The following DNTTIP2 variants were observed in gnomAD, a reference collection of about 807,000 sequenced individuals.
DNTTIP2 encodes deoxynucleotidyltransferase terminal-interacting protein 2.
In DNTTIP2, 47 loss-of-function variants were observed where a neutral mutation model predicts 62.4. The observed-to-expected ratio is 0.75, with a 90% CI of 0.60 to 0.96. The LOEUF (loss-of-function observed/expected upper bound fraction) is 0.96. Ranked by LOEUF, DNTTIP2 falls within the 40% of genes least tolerant of loss-of-function variation. The probability of loss-of-function intolerance (pLI) is 0.00; values close to 1 mark genes in which losing one functional copy is unlikely to be tolerated. For synonymous variants in DNTTIP2, 322 were observed against 300.9 expected (o/e 1.07, Z -0.73); for missense variants, 870 against 849.1 (o/e 1.02, Z -0.31).
Position 93,877,850 on chromosome 1 carries a change from T to TA in DNTTIP2, c.84dup (p.Asn29Ter). On this transcript the variant is annotated frameshift_variant, in exon 2 of 7. Transcript: ENST00000436063. LOFTEE classifies it high-confidence loss of function. ...CTTTCTGGATGCGCTTGAATCCCAT[T>TA]AGCAGCAAAACTCTGCAAACCAGAG... The TA allele has an allele frequency of 6.2e-7, 1 of 1,600,318 alleles. No individual in the cohort carries two copies. Among genetic ancestry groups the TA allele is most frequent in the Non-Finnish European group, 8.5e-7 (1 of 1,179,456 alleles).
At position 93,877,587 on chromosome 1, in the gene DNTTIP2, G is replaced by A. The variant is rs758427433; in HGVS notation, c.348C>T (p.Cys116=). 4.8e-5 allele frequency: 77 copies of A among 1,613,968 alleles called. No individual in the cohort carries two copies. The highest frequency in any genetic ancestry group is 8.8e-5 in the South Asian group (8 of 91,078). The change falls in exon 2 of 7, where the codon TGC becomes TGT. Residue 116 remains cysteine (C), a synonymous_variant. Transcript: ENST00000436063. ...TTTTCCTAACACTGGACACTGGGGA[G>A]CATGCAATTAAGATCTGCCTTCTCC... ...VTRRRQILIA[C]SPVSSVRKKP...
At chr1:93,878,209 CAGA>C (rs1357092172) in intron 1 of DNTTIP2, among the ~76,000 whole-genome samples, 1 of 152,060 alleles carries the variant, frequency 6.6e-6, no homozygotes, top group Non-Finnish European at 1.5e-5. Context: ...GAGCCTGAGG[CAGA>C]AGAATTGTTG....
rs1656043493 is a variant in DNTTIP2 at position 93,877,508 on chromosome 1, C to A, written c.427G>T (p.Ala143Ser). ...ESYTEEIVSE[A>S]ESHVSGISRI... ...GAAATACCTGAAACATGAGATTCTGCTTCAGACACTATTTCTTCAGTGTAA... is the reference window on the plus strand; with the variant it reads ...GAAATACCTGAAACATGAGATTCTGATTCAGACACTATTTCTTCAGTGTAA... The change falls in exon 2 of 7, where the codon GCA (alanine) becomes TCA (serine). Residue 143 changes from alanine (A) to serine (S), a missense_variant. Physicochemically the swap from Ala to Ser is moderately conservative, Grantham distance 99. Transcript: ENST00000436063. The A allele has an allele frequency of 1.2e-6, 2 of 1,613,994 alleles. No homozygotes were observed. Among genetic ancestry groups the A allele is most frequent in the Non-Finnish European group, 1.7e-6 (2 of 1,179,884 alleles).
rs765262861 is a variant in DNTTIP2 at position 93,876,864 on chromosome 1, C to T, written c.1071G>A (p.Glu357=). Residue 357 remains glutamate (E), a synonymous_variant, in exon 2 of 7, where the codon GAG becomes GAA. Transcript: ENST00000436063. ...AVSVHSNLNS[E]AVMKSLTQTF... ...TTTGAGTTAATGATTTCATTACAGC[C>T]TCAGAGTTCAGATTAGAGTGCACTG... The T allele has an allele frequency of 6.2e-7, 1 of 1,613,968 alleles. No individual in the cohort carries two copies. The highest frequency in any genetic ancestry group is 1.7e-5 in the Admixed American group (1 of 60,024).
At chr1:93,879,032 C>T (rs1456193017) in intron 1 of DNTTIP2, 45 bp downstream of exon 1, 3 of 1,607,928 alleles carry the variant, frequency 1.9e-6, no homozygotes, top group Admixed American at 3.4e-5. Context: ...TGCCTGAGCG[C>T]GGCTCTGCGA....
chr1:93,869,788 C>A lies in DNTTIP2; in HGVS notation c.*63G>T. On this transcript the variant is annotated 3_prime_UTR_variant, in exon 7 of 7. Transcript: ENST00000436063. ...TAATTTAGATGATGGTGTTAGTTTTCCAAACGTCTTTAATAAGTAAATAAA... is the reference window on the plus strand; with the variant it reads ...TAATTTAGATGATGGTGTTAGTTTTACAAACGTCTTTAATAAGTAAATAAA... The A allele has an allele frequency of 1.4e-6, 1 of 738,988 alleles. No homozygotes were observed. Among genetic ancestry groups the A allele is most frequent in the Non-Finnish European group, 2.5e-6 (1 of 394,750 alleles). The allele number at this position is 738,988 out of a possible 1,614,324, so 45.8% of individuals were successfully genotyped here.
In DNTTIP2 at chr1:93,877,548, A is replaced by G. The variant is rs773973520; in HGVS notation, c.387T>C (p.Thr129=). 1 of 1,613,964 alleles carries G rather than the reference A, an allele frequency of 6.2e-7. No individual in the cohort carries two copies. Among genetic ancestry groups the G allele is most frequent in the East Asian group, 2.2e-5 (1 of 44,880 alleles). ...CTTCAGTGTAAGACTCCTTTGTTGGAGTTACTTTCGGCTTTTTCCTAACAC... is the reference window on the plus strand; with the variant it reads ...CTTCAGTGTAAGACTCCTTTGTTGGGGTTACTTTCGGCTTTTTCCTAACAC... ...VSSVRKKPKV[T]PTKESYTEEI... The change falls in exon 2 of 7, where the codon ACT becomes ACC. Residue 129 remains threonine, a synonymous_variant. Coordinates refer to ENST00000436063, the MANE Select transcript of DNTTIP2 (RefSeq NM_014597.5).
intron 1 of DNTTIP2, among the ~76,000 whole-genome samples, chr1:93,878,285 C>T (rs1656069333): frequency 6.6e-6 from 1 of 152,250 alleles, no homozygotes; most frequent in South Asian, 2.1e-4. Flanking sequence ...GCCTGGGCGA[C>T]AGAGCAAGAC....
chr1:93,869,662 T>G lies in DNTTIP2; in HGVS notation c.*189A>C. On this transcript the variant is annotated 3_prime_UTR_variant, in exon 7 of 7. Transcript: ENST00000436063. ...CATAAAGAGTCTACACCAGGGTGGG[T>G]CTTTTAGACACCCCTATTTTCTAAG... The G allele has an allele frequency of 1.9e-6, 1 of 520,958 alleles. No individual in the cohort carries two copies. The highest frequency in any genetic ancestry group is 3.5e-6 in the Non-Finnish European group (1 of 284,734). 32.3% of individuals were successfully genotyped at this position (520,958 alleles called of 1,614,324 possible). A position where few individuals can be genotyped will look rare whatever the true frequency, so the allele number is the denominator to read the frequency against.
chr1:93,872,188 G>A lies in DNTTIP2; in HGVS notation c.1951C>T (p.Pro651Ser), dbSNP rs370214928. 6.8e-6 allele frequency: 11 copies of A among 1,613,512 alleles called. No homozygotes were observed. In the African/African-American group the frequency reaches 8.0e-5, roughly 12 times the overall value. Residue 651 changes from proline to serine, a missense_variant, in exon 5 of 7, where the codon CCA (proline) becomes TCA (serine). Pro to Ser is a moderately conservative substitution (Grantham distance 74). Transcript: ENST00000436063. ...TTTTTCAGTTCATTTGTCATTTCTG[G>A]AGCTTTCATACCAAACCAGCCATCC... ...AGDGWFGMKA[P>S]EMTNELKNDL...
intron 1 of DNTTIP2, 78 bp downstream of exon 1, chr1:93,878,999 C>A (rs1451453418): frequency 1.3e-6 from 2 of 1,567,374 alleles, no homozygotes. Flanking sequence ...TCACCCTTAA[C>A]CGGACCCTTG....
In DNTTIP2 at chr1:93,877,215, A is replaced by G. The variant is rs1185058296; in HGVS notation, c.720T>C (p.Asp240=). 6 of 1,613,798 alleles carry G rather than the reference A, an allele frequency of 3.7e-6. No homozygotes were observed. The highest frequency in any genetic ancestry group is 1.3e-5 in the African/African-American group (1 of 74,940). Residue 240 remains aspartate, a synonymous_variant, in exon 2 of 7, where the codon GAT becomes GAC. Coordinates refer to ENST00000436063, the MANE Select transcript of DNTTIP2 (RefSeq NM_014597.5). ...VGTPVNSEDS[D]TRQTSHLQAR... ...CTTGTAAATGGGAAGTTTGTCTGGT[A>G]TCTGAATCCTCTGAATTCACAGGTG...
intron 4 of DNTTIP2, 86 bp downstream of exon 4, chr1:93,873,033 A>G: frequency 1.1e-6 from 1 of 906,006 alleles, no homozygotes. Context: ...ACCAACAGAT[A>G]CAGTTTAATT....
rs1362345151 is a variant in DNTTIP2, at chr1:93,869,692, T to C, written c.*159A>G. 3.4e-6 allele frequency: 2 copies of C among 586,912 alleles called. No homozygotes were observed. Among genetic ancestry groups the C allele is most frequent in the Non-Finnish European group, 6.2e-6 (2 of 320,600 alleles). The allele number at this position is 586,912 out of a possible 1,614,324, so 36.4% of individuals were successfully genotyped here. A position where few individuals can be genotyped will look rare whatever the true frequency, so the allele number is the denominator to read the frequency against. On this transcript the variant is annotated 3_prime_UTR_variant, in exon 7 of 7. Coordinates refer to ENST00000436063, the MANE Select transcript of DNTTIP2 (RefSeq NM_014597.5). Reference sequence around the variant, plus strand: ...TAGACACCCCTATTTTCTAAGGGCATGTAATCGATTCTCAAATCAACTTTT... The same window carrying C: ...TAGACACCCCTATTTTCTAAGGGCACGTAATCGATTCTCAAATCAACTTTT...
rs752884021 is a variant in DNTTIP2 at position 93,876,746 on chromosome 1, T to G, written c.1189A>C (p.Ser397Arg). 1.2e-6 allele frequency: 2 copies of G among 1,614,024 alleles called. No individual in the cohort carries two copies. Among genetic ancestry groups the G allele is most frequent in the Non-Finnish European group, 1.7e-6 (2 of 1,179,884 alleles). ...ACTGTGGACTCTTCTTCATCATCAC[T>G]ACCACCACAATCACCAAACTTTGTC... The part of the protein sequence containing the change: ...DLTKFGDCGG[S>R]DDEEESTVIS... The change falls in exon 2 of 7, where the codon AGT (serine) becomes CGT (arginine). Residue 397 changes from serine to arginine, a missense_variant. Physicochemically the swap from Ser to Arg is moderately radical, Grantham distance 110. Coordinates refer to ENST00000436063, the MANE Select transcript of DNTTIP2 (RefSeq NM_014597.5).
chr1:93,870,946 A>AC (rs1273236439), intron 5 of DNTTIP2, 154 bp from the exon 6 acceptor site: 3 of 426,860 alleles, frequency 7.0e-6, no homozygotes, highest in Non-Finnish European at 1.3e-5. Context: ...TTAAAGCAAA[A>AC]AAAAAAAAGT....
In DNTTIP2 at chr1:93,868,856, TG is replaced by T. The variant is rs1655784267; in HGVS notation, c.*994del. ...ATCACACACTGGGGCCTGTTGTGGGTGGGGGACTAGGGGAGGGATAGCACTA... is the reference window on the plus strand; with the variant it reads ...ATCACACACTGGGGCCTGTTGTGGGTGGGGACTAGGGGAGGGATAGCACTA... On this transcript the variant is annotated 3_prime_UTR_variant, in exon 7 of 7. Coordinates refer to ENST00000436063, the MANE Select transcript of DNTTIP2 (RefSeq NM_014597.5). 1 of 151,418 alleles carries T rather than the reference TG, an allele frequency of 6.6e-6. No homozygotes were observed. Among genetic ancestry groups the T allele is most frequent in the South Asian group, 2.1e-4 (1 of 4,796 alleles). 9.4% of individuals were successfully genotyped at this position (151,418 alleles called of 1,614,324 possible).
chr1:93,877,155 G>A lies in DNTTIP2; in HGVS notation c.780C>T (p.Phe260=). Residue 260 remains phenylalanine (F), a synonymous_variant, in exon 2 of 7, where the codon TTC becomes TTT. Transcript: ENST00000436063. The part of the protein sequence containing the change: ...RSLSEINKPN[F]YNNDFDDDFS... Reference sequence around the variant, plus strand: ...AATCATCATCAAAGTCATTATTATAGAAATTTGGCTTATTTATCTCAGAAA... The same window carrying A: ...AATCATCATCAAAGTCATTATTATAAAAATTTGGCTTATTTATCTCAGAAA... The A allele has an allele frequency of 6.2e-7, 1 of 1,612,856 alleles. No individual in the cohort carries two copies. Among genetic ancestry groups the A allele is most frequent in the South Asian group, 1.1e-5 (1 of 91,020 alleles).
In DNTTIP2 at chr1:93,866,546, T is replaced by G. The variant is rs930564997; in HGVS notation, c.*3305A>C. ...AGAAATGTTAACTTTTTTTTCCCAT[T>G]ATGGTATTTTCTTTAACTTGCTGTT... On this transcript the variant is annotated 3_prime_UTR_variant, in exon 7 of 7. Coordinates refer to ENST00000436063, the MANE Select transcript of DNTTIP2 (RefSeq NM_014597.5). 1 of 152,192 alleles carries G rather than the reference T, an allele frequency of 6.6e-6. No homozygotes were observed. The highest frequency in any genetic ancestry group is 1.5e-5 in the Non-Finnish European group (1 of 68,040). 9.4% of individuals were successfully genotyped at this position (152,192 alleles called of 1,614,324 possible).
Sources: allele counts gnomAD v4.1 joint callset (sites outside exome capture counted in the v4.1 genomes callset), GRCh38; gene constraint gnomAD v4.1.1; transcripts MANE v1.5; gene names NCBI Gene and HGNC (gene_info 2026-07-23, HGNC 2026-07-21).